Variants in TENM1 observed in about 807,000 individuals in gnomAD.
TENM1 encodes teneurin-1.
A neutral mutation model predicts 174.8 loss-of-function variants in TENM1; 35 were observed. The ratio of observed to expected loss-of-function variants is 0.20; its 90% CI spans 0.15 to 0.27. The LOEUF is 0.27. Among genes scored for constraint, TENM1 ranks in the 10% least tolerant of loss-of-function variants. The pLI is 1.00. For missense variants in TENM1, 1,633 were observed against 2,130.1 expected, an observed-to-expected ratio of 0.77 and a Z score of 4.59; for synonymous variants, 781 against 798.7, an observed-to-expected ratio of 0.98 and a Z score of 0.37.
At chrX:124,784,584 T>C (rs892271954) in intron 3 of TENM1, among the ~76,000 whole-genome samples, 1 of 111,695 alleles carries the variant, frequency 9.0e-6, no homozygotes, top group Non-Finnish European at 1.9e-5. Context: ...CTTCCTCTAA[T>C]ATTCTGAGAG....
chrX:124,822,706 C>T (rs2056066671), intron 3 of TENM1, among the ~76,000 whole-genome samples: 1 of 111,836 alleles, frequency 8.9e-6, no homozygotes, highest in Middle Eastern at 4.6e-3. Context: ...AGTGCTGGTA[C>T]TGTGCCTCTC....
chrX:124,577,653 A>G (rs886728596), intron 11 of TENM1, among the ~76,000 whole-genome samples: 5 of 111,746 alleles, frequency 4.5e-5, no homozygotes, highest in African/African-American at 1.3e-4. Flanking sequence ...AGGATTAATA[A>G]TGGAGTAAAG....
intron 3 of TENM1, among the ~76,000 whole-genome samples, chrX:124,757,677 A>G (rs1460514389): frequency 8.9e-6 from 1 of 112,568 alleles, no homozygotes; most frequent in African/African-American, 3.2e-5. Context: ...TGTATTAAAT[A>G]AATACATAGT....
At chrX:124,672,426 AGATT>A (rs750731845) in intron 5 of TENM1, among the ~76,000 whole-genome samples, 1 of 111,722 alleles carries the variant, frequency 9.0e-6, no homozygotes, top group East Asian at 2.8e-4. Context: ...TGCTATCAGA[AGATT>A]AAAAAGTACC....
chrX:125,010,517 GA>G, the TENM1 span, among the ~76,000 whole-genome samples: 24 of 96,623 alleles, frequency 2.5e-4, no homozygotes, highest in East Asian at 6.5e-4. Context: ...CACAGAATTA[GA>G]AAAAAAAAAA....
At position 124,497,962 on chromosome X, in the gene TENM1, C is replaced by T. The variant is rs1262536556; in HGVS notation, c.3446-697G>A. Among the ~76,000 whole-genome samples, 3 of 111,553 alleles carry T rather than the reference C, an allele frequency of 2.7e-5. No homozygotes were observed. The East Asian group carries it at 8.5e-4, about 32-fold the overall frequency. On this transcript the variant is annotated intron_variant, in intron 19 of 31. Coordinates refer to ENST00000422452, the Ensembl canonical transcript of TENM1. ...TCCCATTTCTATATGCTGAAACTTT[C>T]TCCCATCCAGAGTTCTTAACTGACA...
At chrX:124,835,574 C>T (rs1008482795) in intron 3 of TENM1, among the ~76,000 whole-genome samples, 3 of 111,267 alleles carry the variant, frequency 2.7e-5, no homozygotes, top group Non-Finnish European at 3.8e-5. Context: ...TTTGTTACAA[C>T]GTTAGGTTCT....
intron 26 of TENM1, 108 bp from the exon 30 acceptor site, chrX:124,405,374 G>C: frequency 1.7e-6 from 1 of 596,086 alleles, no homozygotes; most frequent in Non-Finnish European, 2.6e-6. Context: ...TAAGCAGGTG[G>C]GGTGCTGTGG....
chrX:124,995,312 T>C, the TENM1 span, among the ~76,000 whole-genome samples: 1 of 111,540 alleles, frequency 9.0e-6, no homozygotes, highest in Non-Finnish European at 1.9e-5. Context: ...TCTTTACCAC[T>C]AGACTGTAAG....
chrX:125,104,177 G>A, the TENM1 span, among the ~76,000 whole-genome samples: 2 of 111,519 alleles, frequency 1.8e-5, no homozygotes, highest in Non-Finnish European at 3.8e-5. Flanking sequence ...TTTGTCCCTT[G>A]ATCAAGGTAC....
the TENM1 span, among the ~76,000 whole-genome samples, chrX:125,194,012 G>A: frequency 4.6e-3 from 509 of 110,812 alleles, 2 homozygotes; most frequent in African/African-American, 0.016. Context: ...TGGAACTCCT[G>A]TGCTCAAGTA....
chrX:124,598,822 T>C (rs1358954895), intron 11 of TENM1, among the ~76,000 whole-genome samples: 3 of 110,778 alleles, frequency 2.7e-5, no homozygotes, highest in African/African-American at 9.9e-5. Context: ...AAAGAATGAA[T>C]AAGACCTACT....
chrX:124,435,449 C>T (rs1041583466), intron 23 of TENM1, among the ~76,000 whole-genome samples: 2 of 111,804 alleles, frequency 1.8e-5, no homozygotes, highest in Non-Finnish European at 3.8e-5. Context: ...GTAGCTACTG[C>T]TAACCCTTCT....
At chrX:124,857,946 A>G (rs2056844410) in intron 3 of TENM1, among the ~76,000 whole-genome samples, 1 of 111,402 alleles carries the variant, frequency 9.0e-6, no homozygotes, top group African/African-American at 3.3e-5. Context: ...ATAAAATTCA[A>G]ATATTACATT....
chrX:125,124,099 A>G, the TENM1 span, among the ~76,000 whole-genome samples: 1 of 112,278 alleles, frequency 8.9e-6, no homozygotes. Flanking sequence ...CATGTGTGAC[A>G]GTGTTTGGCC....
intron 20 of TENM1, among the ~76,000 whole-genome samples, chrX:124,492,529 G>A (rs1163329857): frequency 9.1e-6 from 1 of 109,590 alleles, no homozygotes; most frequent in East Asian, 2.9e-4. Flanking sequence ...AATCTAATAA[G>A]AGCTATATTA....
At chrX:124,740,939 G>A (rs2053784807) in intron 3 of TENM1, among the ~76,000 whole-genome samples, 1 of 111,657 alleles carries the variant, frequency 9.0e-6, no homozygotes, top group Non-Finnish European at 1.9e-5. Flanking sequence ...GAGAAGGGGG[G>A]AGTGGTGATT....
chrX:124,690,525 G>A (rs867331084), intron 5 of TENM1, among the ~76,000 whole-genome samples: 1 of 102,333 alleles, frequency 9.8e-6, no homozygotes, highest in Non-Finnish European at 2.0e-5. Flanking sequence ...GTGTGTGTGT[G>A]TATACACACA....
chrX:124,911,509 G>C (rs138871102), intron 1 of TENM1, among the ~76,000 whole-genome samples: 262 of 111,954 alleles, frequency 2.3e-3, no homozygotes, highest in Middle Eastern at 0.019. Flanking sequence ...ACTGAGACAG[G>C]CTCCAGAGAA....
Sources: gnomAD v4.1 joint callset for allele counts (sites outside exome capture counted in the v4.1 genomes callset) on GRCh38, gnomAD v4.1.1 for gene constraint, MANE v1.5 for transcripts, NCBI Gene and HGNC (gene_info 2026-07-23, HGNC 2026-07-21) for gene names.